Variants in PHTF2 observed in about 807,000 individuals in gnomAD.
PHTF2 encodes the protein putative homeodomain transcription factor 2.
PHTF2 carries 60 observed loss-of-function variants against 101.2 expected under a neutral mutation model. The ratio of observed to expected loss-of-function variants is 0.59; its 90% confidence interval spans 0.48 to 0.73. The LOEUF is 0.73. Ranked by LOEUF, PHTF2 falls within the 30% of genes least tolerant of loss-of-function variation. PHTF2 has a pLI of 0.00. For synonymous variants in PHTF2, 311 were observed against 307.3 expected (o/e 1.01, Z -0.13); for missense variants, 747 against 908.7 (o/e 0.82, Z 2.29).
At chr7:77,810,404 C>T (rs1289019841) in intron 1 of PHTF2, among the ~76,000 whole-genome samples, 2 of 152,206 alleles carry the variant, frequency 1.3e-5, no homozygotes, top group Admixed American at 6.5e-5. Flanking sequence ...GAAGAAAATT[C>T]AGGATCACAT....
intron 15 of PHTF2, among the ~76,000 whole-genome samples, chr7:77,941,191 CCT>C (rs1805610882): frequency 6.6e-6 from 1 of 152,124 alleles, no homozygotes; most frequent in African/African-American, 2.4e-5. Context: ...GACCAATCAT[CCT>C]CTGACATACC....
intron 16 of PHTF2, among the ~76,000 whole-genome samples, chr7:77,943,950 G>A (rs2150981786): frequency 6.6e-6 from 1 of 152,072 alleles, no homozygotes; most frequent in East Asian, 1.9e-4. Flanking sequence ...CCCAGAAGGC[G>A]GAGATTGCAC....
intron 12 of PHTF2, among the ~76,000 whole-genome samples, chr7:77,932,635 T>A (rs1372922207): frequency 1.4e-4 from 21 of 151,394 alleles, no homozygotes; most frequent in African/African-American, 3.9e-4. Flanking sequence ...TGTGTGTGTG[T>A]GTGTGTGTGT....
rs1442642264 is a variant in PHTF2 at position 77,922,765 on chromosome 7, A to G, written c.1106A>G (p.His369Arg). ...AGAAAGTCACACCATTATAAGAAAC[A>G]TTACCCTAATGAGGTATATACTTTG... The change falls in exon 11 of 20, where the codon CAT (histidine) becomes CGT (arginine). Residue 369 changes from histidine to arginine, a missense_variant. Around this residue, in one of 6 missense-constraint regions of PHTF2, gnomAD observed 349 missense variants for 369.7 expected, o/e 0.94. Transcript: ENST00000416283. 5 of 1,594,626 alleles carry G rather than the reference A, an allele frequency of 3.1e-6. No homozygotes were observed. The highest frequency in any genetic ancestry group is 1.7e-5 in the Admixed American group (1 of 57,826).
At chr7:77,954,608 C>CTATA (rs1262120011) in intron 19 of PHTF2, among the ~76,000 whole-genome samples, 1 of 99,874 alleles carries the variant, frequency 1.0e-5, no homozygotes, top group African/African-American at 4.2e-5. Flanking sequence ...TAAACAAGTA[C>CTATA]TGTGTATATA....
chr7:77,932,434 A>G (rs1174760201), intron 12 of PHTF2, among the ~76,000 whole-genome samples: 1 of 152,090 alleles, frequency 6.6e-6, no homozygotes, highest in Non-Finnish European at 1.5e-5. Context: ...TTGCCTGATG[A>G]TCTTTTTTCC....
intron 11 of PHTF2, among the ~76,000 whole-genome samples, chr7:77,926,020 C>T (rs900394689): frequency 4.6e-5 from 7 of 151,570 alleles, no homozygotes; most frequent in African/African-American, 1.7e-4. Flanking sequence ...CACGCCACTG[C>T]ATCCAGCGTG....
chr7:77,912,534 CGTTAA>C (rs1562942229), intron 9 of PHTF2, among the ~76,000 whole-genome samples: 3 of 151,844 alleles, frequency 2.0e-5, no homozygotes, highest in African/African-American at 7.3e-5. Flanking sequence ...TGGATACTTC[CGTTAA>C]GTTATCTCTG....
chr7:77,871,924 C>T (rs1798551474), intron 3 of PHTF2, among the ~76,000 whole-genome samples: 2 of 152,192 alleles, frequency 1.3e-5, no homozygotes, highest in Admixed American at 6.5e-5. Flanking sequence ...AGCTTGCATG[C>T]AGGATAGGTA....
intron 10 of PHTF2, 113 bp from the exon 10 acceptor site, chr7:77,922,510 G>A: frequency 3.1e-6 from 2 of 650,136 alleles, no homozygotes; most frequent in Non-Finnish European, 4.8e-6. Flanking sequence ...GGTAGTTGAG[G>A]ATATTTTGAA....
chr7:77,890,028 C>CT (rs1025744417), intron 3 of PHTF2, among the ~76,000 whole-genome samples: 1 of 150,356 alleles, frequency 6.7e-6, no homozygotes, highest in Non-Finnish European at 1.5e-5. Context: ...ACGCGCCCCC[C>CT]CCCACCACCA....
chr7:77,831,266 T>C (rs1326217314), intron 1 of PHTF2, among the ~76,000 whole-genome samples: 1 of 152,262 alleles, frequency 6.6e-6, no homozygotes, highest in Non-Finnish European at 1.5e-5. Flanking sequence ...GAAGCAATTA[T>C]GGAAGGCCAC....
chr7:77,921,504 C>T (rs537726193), intron 10 of PHTF2, among the ~76,000 whole-genome samples: 1 of 152,248 alleles, frequency 6.6e-6, no homozygotes, highest in African/African-American at 2.4e-5. Flanking sequence ...AGAGGATTCT[C>T]TAATTTTGGG....
chr7:77,832,123 A>G (rs1463589765), intron 1 of PHTF2, among the ~76,000 whole-genome samples: 1 of 152,046 alleles, frequency 6.6e-6, no homozygotes, highest in East Asian at 1.9e-4. Context: ...CTTGTGTGAC[A>G]TATTCAACCT....
exon 3 of PHTF2, chr7:77,854,811 C>G (rs1485055161): frequency 6.6e-6 from 5 of 758,482 alleles, no homozygotes; most frequent in Non-Finnish European, 1.2e-5. Context: ...ACTCAAGGAC[C>G]AAGGGCTCTT....
intron 5 of PHTF2, among the ~76,000 whole-genome samples, chr7:77,897,372 T>C (rs955127962): frequency 6.6e-6 from 1 of 150,422 alleles, no homozygotes; most frequent in African/African-American, 2.4e-5. Context: ...TATACTACTG[T>C]GTTTGAGTCA....
intron 1 of PHTF2, 98 bp from the exon 2 acceptor site, chr7:77,840,123 G>A (rs955140596): frequency 4.8e-5 from 30 of 619,494 alleles, no homozygotes; most frequent in Middle Eastern, 5.2e-4. Context: ...TACACCCCTT[G>A]CTCTGCAAGT....
chr7:77,921,852 G>A lies in PHTF2; in HGVS notation c.964-771G>A, dbSNP rs565544184. 2.0e-5 allele frequency among the ~76,000 whole-genome samples: 3 copies of A among 152,126 alleles called. No individual in the cohort carries two copies. In the East Asian group the frequency reaches 5.8e-4, roughly 29 times the overall value. On this transcript the variant is annotated intron_variant, in intron 10 of 19. Transcript: ENST00000416283. ...TGATGTGTGTAGAATGTTGTCTGAC[G>A]TGCGCACATGCAGTTGCTATTTACT...
intron 3 of PHTF2, among the ~76,000 whole-genome samples, chr7:77,884,419 A>G (rs1057319026): frequency 4.6e-5 from 7 of 151,946 alleles, no homozygotes; most frequent in Non-Finnish European, 7.4e-5. Context: ...ATAGTCCATT[A>G]TATCACTCTC....
Sources: allele counts gnomAD v4.1 joint callset (sites outside exome capture counted in the v4.1 genomes callset), GRCh38; gene constraint gnomAD v4.1.1; regional missense constraint gnomAD v4.1.1; transcripts MANE v1.5; gene names NCBI Gene and HGNC (gene_info 2026-07-23, HGNC 2026-07-21).